Variants in RIGI observed in about 807,000 individuals in gnomAD.
RIGI encodes the protein antiviral innate immune response receptor RIG-I.
chr9:32,476,865 T>C, the RIGI span: 1 of 875,216 alleles, frequency 1.1e-6, no homozygotes, highest in African/African-American at 1.7e-5. Context: ...CAAGCAATTC[T>C]CCTGCCTTGA....
At chr9:32,463,388 T>C in the RIGI span, among the ~76,000 whole-genome samples, 2 of 152,248 alleles carry the variant, frequency 1.3e-5, no homozygotes, top group Non-Finnish European at 2.9e-5. Context: ...TTTTTTAATT[T>C]CTTTTTCAGA....
At chr9:32,476,169 G>T in the RIGI span, among the ~76,000 whole-genome samples, 2 of 152,082 alleles carry the variant, frequency 1.3e-5, no homozygotes, top group Non-Finnish European at 2.9e-5. Context: ...GTAAAAAAAG[G>T]AAGAAATGCT....
chr9:32,484,913 A>G, the RIGI span, among the ~76,000 whole-genome samples: 3 of 152,204 alleles, frequency 2.0e-5, no homozygotes, highest in Non-Finnish European at 2.9e-5. Context: ...GAAGGTAGAG[A>G]AAGCAATGAA....
chr9:32,472,926 T>G, the RIGI span: 2 of 1,309,130 alleles, frequency 1.5e-6, no homozygotes, highest in Non-Finnish European at 2.1e-6. Flanking sequence ...CACACACACA[T>G]ATTCTTAAAT....
the RIGI span, among the ~76,000 whole-genome samples, chr9:32,504,826 CATAAAATAT>C: frequency 6.5e-5 from 8 of 123,392 alleles, no homozygotes; most frequent in Non-Finnish European, 1.2e-4. Context: ...ATATTTAATA[CATAAAATAT>C]ATAAAATATA....
At chr9:32,480,179 G>A in the RIGI span, 1 of 1,564,752 alleles carries the variant, frequency 6.4e-7, no homozygotes, top group South Asian at 1.2e-5. Context: ...CAGTCACCAA[G>A]AATGCTACTG....
the RIGI span, chr9:32,481,440 A>ATCCATTG: frequency 1.2e-6 from 2 of 1,611,860 alleles, no homozygotes; most frequent in Non-Finnish European, 1.7e-6. Context: ...AACTGTAACA[A>ATCCATTG]TCCATTGTTC....
At chr9:32,509,234 C>T in the RIGI span, among the ~76,000 whole-genome samples, 1 of 152,222 alleles carries the variant, frequency 6.6e-6, no homozygotes, top group Non-Finnish European at 1.5e-5. Flanking sequence ...TCTCCCAGCA[C>T]AGTGCTTGAG....
chr9:32,491,266 C>T, the RIGI span: 2 of 1,607,968 alleles, frequency 1.2e-6, no homozygotes, highest in Non-Finnish European at 8.5e-7. Context: ...ACCAGAAGAG[C>T]ACCATTATGG....
the RIGI span, among the ~76,000 whole-genome samples, chr9:32,458,212 T>G: frequency 1.3e-5 from 2 of 152,156 alleles, no homozygotes; most frequent in Non-Finnish European, 2.9e-5. Flanking sequence ...CTTTGGAGAT[T>G]TTTCTAACCC....
At chr9:32,473,612 AC>A in the RIGI span, among the ~76,000 whole-genome samples, 1 of 152,160 alleles carries the variant, frequency 6.6e-6, no homozygotes, top group Non-Finnish European at 1.5e-5. Context: ...AAAAGAAAAA[AC>A]AAAAGTTCAA....
chr9:32,485,500 C>G, the RIGI span: 6 of 624,174 alleles, frequency 9.6e-6, no homozygotes, highest in Non-Finnish European at 1.7e-5. Context: ...ATTCTAACAC[C>G]TGTCTTTCAT....
At chr9:32,466,821 A>C in the RIGI span, among the ~76,000 whole-genome samples, 1 of 152,038 alleles carries the variant, frequency 6.6e-6, no homozygotes, top group African/African-American at 2.4e-5. Context: ...GTGATTAGAC[A>C]GCCGTACTGT....
chr9:32,517,837 GA>G, the RIGI span, among the ~76,000 whole-genome samples: 3 of 152,288 alleles, frequency 2.0e-5, no homozygotes, highest in Middle Eastern at 3.4e-3. Flanking sequence ...AAATGATGCA[GA>G]AATAATCTAG....
the RIGI span, chr9:32,498,293 A>G: frequency 0.98 from 447,618 of 456,672 alleles, 219,526 homozygotes; most frequent in East Asian, 1. Context: ...TGGGTCCCAT[A>G]GAAAGGCATG....
the RIGI span, among the ~76,000 whole-genome samples, chr9:32,523,665 G>T: frequency 5.3e-5 from 8 of 151,936 alleles, no homozygotes; most frequent in Non-Finnish European, 1.5e-5. Context: ...TGGTATCCTT[G>T]CTTCCAGTTT....
the RIGI span, chr9:32,487,335 G>A: frequency 2.4e-6 from 2 of 841,900 alleles, no homozygotes; most frequent in Non-Finnish European, 3.7e-6. Flanking sequence ...AAATGTGACT[G>A]TTACTCAAGT....
At chr9:32,478,276 C>T in the RIGI span, among the ~76,000 whole-genome samples, 1 of 152,168 alleles carries the variant, frequency 6.6e-6, no homozygotes, top group African/African-American at 2.4e-5. Flanking sequence ...AACTCCTGAC[C>T]TCAGGTGGCC....
chr9:32,492,071 C>T, the RIGI span, among the ~76,000 whole-genome samples: 2 of 152,202 alleles, frequency 1.3e-5, no homozygotes, highest in Non-Finnish European at 2.9e-5. Context: ...ACCTTTAACT[C>T]TAGAATTCTC....
Sources: allele counts gnomAD v4.1 joint callset (sites outside exome capture counted in the v4.1 genomes callset), GRCh38; gene constraint gnomAD v4.1.1; transcripts MANE v1.5; gene names NCBI Gene and HGNC (gene_info 2026-07-23, HGNC 2026-07-21).